ZDHHC5: variants seen among roughly 807,000 people sequenced by gnomAD.
ZDHHC5 encodes the protein zDHHC palmitoyltransferase 5.
ZDHHC5 carries 22 observed loss-of-function variants against 70.0 expected under a neutral mutation model. The ratio of observed to expected loss-of-function variants is 0.31; its 90% CI spans 0.22 to 0.45. ZDHHC5 has a LOEUF of 0.45. Among genes scored for constraint, ZDHHC5 ranks in the 20% least tolerant of loss-of-function variants. The probability of loss-of-function intolerance (pLI) is 1.00; values close to 1 mark genes in which losing one functional copy is unlikely to be tolerated. For synonymous variants in ZDHHC5, 313 were observed against 347.8 expected, an observed-to-expected ratio of 0.90 and a Z score of 1.11; for missense variants, 746 against 926.9, an observed-to-expected ratio of 0.80 and a Z score of 2.53.
In ZDHHC5 at chr11:57,694,820, C is replaced by T. The variant is rs556575357; in HGVS notation, c.885+905C>T. Among the ~76,000 whole-genome samples, 6 of 152,188 alleles carry T rather than the reference C, an allele frequency of 3.9e-5. No individual in the cohort carries two copies. The South Asian group carries it at 1.2e-3, about 32-fold the overall frequency. On this transcript the variant is annotated intron_variant, in intron 8 of 11. Coordinates refer to ENST00000287169, the MANE Select transcript of ZDHHC5 (RefSeq NM_015457.3). Reference sequence around the variant, plus strand: ...GACAGAATTAAAACCTTTTTTAAACCCTTTCTTCTGCCAGGTACAGTAACT... The same window carrying T: ...GACAGAATTAAAACCTTTTTTAAACTCTTTCTTCTGCCAGGTACAGTAACT...
intron 1 of ZDHHC5, among the ~76,000 whole-genome samples, chr11:57,670,820 A>ATT (rs36089922): frequency 4.7e-5 from 6 of 128,524 alleles, no homozygotes; most frequent in East Asian, 2.5e-4. Flanking sequence ...GAATCTTCTG[A>ATT]TTTTTTTTTT....
In ZDHHC5 at chr11:57,699,916, A is replaced by G. The variant is rs893874851; in HGVS notation, c.2033A>G (p.Lys678Arg). Residue 678 changes from lysine (K) to arginine (R), a missense_variant, in exon 12 of 12, where the codon AAG becomes AGG. By Grantham distance (26) the Lys-to-Arg change is conservative. Around this residue, in one of 6 missense-constraint regions of ZDHHC5, gnomAD observed 340 missense variants for 350.1 expected, o/e 0.97. Transcript: ENST00000287169. The stretch of plus-strand genomic sequence containing the variant: ...TACAGCAAATCCAACGGGCAGCCCA[A>G]GAGCTTAGGCTCAGCCTCCCCTGGC... ...TTYSKSNGQPKSLGSASPGPG... is the reference protein window; with the variant it reads ...TTYSKSNGQPRSLGSASPGPG... The G allele has an allele frequency of 1.9e-6, 3 of 1,614,270 alleles. No individual in the cohort carries two copies. In the African/African-American group the frequency reaches 4.0e-5, roughly 22 times the overall value.
At chr11:57,679,172 T>G (rs1174066456) in intron 2 of ZDHHC5, among the ~76,000 whole-genome samples, 1 of 152,122 alleles carries the variant, frequency 6.6e-6, no homozygotes, top group Non-Finnish European at 1.5e-5. Context: ...ATTTTGTATA[T>G]ATATTTTGAG....
chr11:57,693,590 CACA>C (rs1342109927), intron 7 of ZDHHC5, among the ~76,000 whole-genome samples, 190 bp from the exon 8 acceptor site: 2 of 152,184 alleles, frequency 1.3e-5, no homozygotes, highest in Non-Finnish European at 2.9e-5. Flanking sequence ...GGTATCTGCT[CACA>C]AAGGCCTAGT....
At chr11:57,671,815 G>C (rs1946010087) in intron 1 of ZDHHC5, among the ~76,000 whole-genome samples, 1 of 152,152 alleles carries the variant, frequency 6.6e-6, no homozygotes, top group Non-Finnish European at 1.5e-5. Flanking sequence ...GCCATGTTCT[G>C]CTTCCAATCT....
rs983840202 is a variant in ZDHHC5, at chr11:57,696,053, G to T, written c.1009+10G>T. ...TTGGCTACTAATGAGGGTAAGGGCT[G>T]CCTTGATTTGCAAGATACTAGAACT... is the stretch of plus-strand genomic sequence containing the variant. On this transcript the variant is annotated intron_variant, in intron 9 of 11. Transcript: ENST00000287169. The T allele has an allele frequency of 3.4e-5, 54 of 1,603,786 alleles. No homozygotes were observed. The highest frequency in any genetic ancestry group is 4.6e-5 in the Non-Finnish European group (54 of 1,176,882).
intron 1 of ZDHHC5, 67 bp downstream of exon 1, chr11:57,668,254 G>T (rs934182357): frequency 1.5e-5 from 5 of 344,018 alleles, no homozygotes; most frequent in Non-Finnish European, 2.6e-5. Flanking sequence ...GGAGGGGAGG[G>T]TGACCTCTAG....
chr11:57,677,919 T>G (rs1946092915), intron 2 of ZDHHC5, among the ~76,000 whole-genome samples: 1 of 152,218 alleles, frequency 6.6e-6, no homozygotes, highest in African/African-American at 2.4e-5. Context: ...TTCAGCTGGT[T>G]GAAAGTCTGG....
chr11:57,675,775 T>C (rs1036158380), intron 2 of ZDHHC5, among the ~76,000 whole-genome samples: 1 of 152,222 alleles, frequency 6.6e-6, no homozygotes, highest in Non-Finnish European at 1.5e-5. Flanking sequence ...TCTGTAAGCA[T>C]ATATCTGGGC....
At chr11:57,696,438 A>G (rs953921552) in intron 9 of ZDHHC5, among the ~76,000 whole-genome samples, 5 of 152,198 alleles carry the variant, frequency 3.3e-5, no homozygotes, top group African/African-American at 1.2e-4. Context: ...CTCATAGACT[A>G]GACGCAGTGG....
At chr11:57,670,000 T>C (rs562436980) in intron 1 of ZDHHC5, among the ~76,000 whole-genome samples, 1 of 152,312 alleles carries the variant, frequency 6.6e-6, no homozygotes, top group South Asian at 2.1e-4. Context: ...ACTCCCAAAA[T>C]TGCATGGCCT....
intron 1 of ZDHHC5, among the ~76,000 whole-genome samples, chr11:57,670,047 T>C (rs1945985059): frequency 6.6e-6 from 1 of 152,232 alleles, no homozygotes; most frequent in Non-Finnish European, 1.5e-5. Context: ...TATTAGTCCA[T>C]GTGACTTTTT....
chr11:57,672,927 C>T lies in ZDHHC5; in HGVS notation c.-164C>T. 1 of 591,506 alleles carries T rather than the reference C, an allele frequency of 1.7e-6. No individual in the cohort carries two copies. The highest frequency in any genetic ancestry group is 3.0e-6 in the Non-Finnish European group (1 of 336,118). The allele number at this position is 591,506 out of a possible 1,614,324, so 36.6% of individuals were successfully genotyped here. A position where few individuals can be genotyped will look rare whatever the true frequency, so the allele number is the denominator to read the frequency against. ...CTTTCCTTCATTTGAGATCTTTTGA[C>T]CTTTGGCTTTATTTGGGAGGGGGAA... On this transcript the variant is annotated 5_prime_UTR_variant, in exon 2 of 12. Coordinates refer to ENST00000287169, the MANE Select transcript of ZDHHC5 (RefSeq NM_015457.3).
intron 3 of ZDHHC5, among the ~76,000 whole-genome samples, chr11:57,683,525 C>G (rs908851251): frequency 6.6e-6 from 1 of 152,000 alleles, no homozygotes; most frequent in Non-Finnish European, 1.5e-5. Context: ...TTTTATAAAC[C>G]TGAATATGAG....
chr11:57,700,345 A>T lies in ZDHHC5; in HGVS notation c.*314A>T. 5.3e-6 allele frequency: 1 copy of T among 187,724 alleles called. No individual in the cohort carries two copies. Among genetic ancestry groups the T allele is most frequent in the Non-Finnish European group, 1.1e-5 (1 of 91,790 alleles). 11.6% of individuals were successfully genotyped at this position (187,724 alleles called of 1,614,324 possible). A position where few individuals can be genotyped will look rare whatever the true frequency, so the allele number is the denominator to read the frequency against. ...CCAGATCATTTTTAAACCAGAAATA[A>T]TTTTTTTTATTATTGTTACGGATTC... On this transcript the variant is annotated 3_prime_UTR_variant, in exon 12 of 12. Transcript: ENST00000287169.
At position 57,672,975 on chromosome 11, in the gene ZDHHC5, C is replaced by T; in HGVS notation, c.-116C>T. 11 of 893,770 alleles carry T rather than the reference C, an allele frequency of 1.2e-5. No individual in the cohort carries two copies. Among genetic ancestry groups the T allele is most frequent in the Admixed American group, 2.4e-5 (1 of 41,300 alleles). The allele number at this position is 893,770 out of a possible 1,614,324, so 55.4% of individuals were successfully genotyped here. ...GAAGGGTGATAAAGTTTTCTGTTTC[C>T]CTGGTTTTCTTTTGTACTCCTCTCT... On this transcript the variant is annotated 5_prime_UTR_variant, in exon 2 of 12. Transcript: ENST00000287169.
chr11:57,679,056 A>AT (rs1304320992), intron 2 of ZDHHC5, among the ~76,000 whole-genome samples: 3 of 152,088 alleles, frequency 2.0e-5, no homozygotes, highest in Non-Finnish European at 2.9e-5. Flanking sequence ...GAACTTAACC[A>AT]TTTTTTTGTA....
intron 9 of ZDHHC5, among the ~76,000 whole-genome samples, chr11:57,696,503 C>G (rs1479569140): frequency 6.6e-6 from 1 of 151,954 alleles, no homozygotes; most frequent in East Asian, 1.9e-4. Context: ...ATTGCTTGAG[C>G]CCAGGAGTTC....
intron 2 of ZDHHC5, among the ~76,000 whole-genome samples, chr11:57,676,848 C>G (rs1030338562): frequency 7.0e-6 from 1 of 143,360 alleles, no homozygotes; most frequent in African/African-American, 2.7e-5. Context: ...CAGTTAAGGT[C>G]TTATTTTATC....
Sources: gnomAD v4.1 joint callset for allele counts (sites outside exome capture counted in the v4.1 genomes callset) on GRCh38, gnomAD v4.1.1 for gene constraint, gnomAD v4.1.1 regional missense constraint, MANE v1.5 for transcripts, NCBI Gene and HGNC (gene_info 2026-07-23, HGNC 2026-07-21) for gene names.